ST7L: variants seen among roughly 807,000 people sequenced by gnomAD.
The protein encoded by ST7L is suppressor of tumorigenicity 7 protein-like.
A neutral mutation model predicts 72.5 loss-of-function variants in ST7L; 57 were observed. The ratio of observed to expected loss-of-function variants is 0.79; its 90% confidence interval spans 0.64 to 0.98. The LOEUF is 0.98. Ranked by LOEUF, ST7L falls within the 50% of genes least tolerant of loss-of-function variation. The pLI is 0.00. For synonymous variants in ST7L, 221 were observed against 240.9 expected, an observed-to-expected ratio of 0.92 and a Z score of 0.77; for missense variants, 576 against 672.2, an observed-to-expected ratio of 0.86 and a Z score of 1.58.
chr1:112,586,630 G>C (rs1486343664), intron 6 of ST7L, among the ~76,000 whole-genome samples: 1 of 152,014 alleles, frequency 6.6e-6, no homozygotes, highest in Non-Finnish European at 1.5e-5. Context: ...TGGATATATG[G>C]TGAAAAGATT....
chr1:112,611,968 T>C (rs1669129735), intron 2 of ST7L, among the ~76,000 whole-genome samples: 1 of 46,900 alleles, frequency 2.1e-5, no homozygotes, highest in Non-Finnish European at 3.6e-5. Flanking sequence ...AGACCCTGTC[T>C]CAAAAAAAAA....
At chr1:112,581,602 G>A (rs1337031972) in intron 9 of ST7L, among the ~76,000 whole-genome samples, 1 of 151,890 alleles carries the variant, frequency 6.6e-6, no homozygotes, top group South Asian at 2.1e-4. Context: ...ACAGGGTCTT[G>A]CCATGTTGCC....
At chr1:112,534,700 G>A (rs999912312) in intron 14 of ST7L, among the ~76,000 whole-genome samples, 40 of 152,138 alleles carry the variant, frequency 2.6e-4, no homozygotes, top group Non-Finnish European at 4.7e-4. Context: ...GCAAGATAGA[G>A]ATGTTTTCTA....
chr1:112,550,681 A>G lies in ST7L; in HGVS notation c.1409T>C (p.Ile470Thr), dbSNP rs1657961599. The change falls in exon 13 of 15, where the codon ATT (isoleucine) becomes ACT (threonine). Residue 470 changes from isoleucine (I) to threonine (T), a missense_variant. Coordinates refer to ENST00000358039, the MANE Select transcript of ST7L (RefSeq NM_017744.5). ...ATGTCCTTTCTCTAACGGGTATGGA[A>G]TCATTCTAAAAGCTGAGGAAAAAAA... ...QCTWEGTFRM[I>T]PYPLEKGHLF... is the part of the protein sequence containing the mutation. The G allele has an allele frequency of 6.2e-7, 1 of 1,612,686 alleles. No individual in the cohort carries two copies. Among genetic ancestry groups the G allele is most frequent in the Admixed American group, 1.7e-5 (1 of 59,976 alleles).
At chr1:112,520,643 C>A, downstream of ST7L, 1 of 916,438 alleles carries the variant, frequency 1.1e-6, no homozygotes. Context: ...GAGAGTAATC[C>A]ATAGGGACCA....
rs1653130193 is a variant in ST7L, at chr1:112,524,604, TTGG to T, written c.*1406_*1408del. The stretch of plus-strand genomic sequence containing the variant: ...AGCTCACACCTGGTTATTGATGGCC[TTGG>T]TGGAGGCCTCTGCCCCGACCCTCCA... On this transcript the variant is annotated 3_prime_UTR_variant, in exon 15 of 15. Coordinates refer to ENST00000358039, the MANE Select transcript of ST7L (RefSeq NM_017744.5). 3.9e-5 allele frequency: 6 copies of T among 152,630 alleles called. No individual in the cohort carries two copies. The highest frequency in any genetic ancestry group is 3.9e-4 in the Admixed American group (6 of 15,268). 9.5% of individuals were successfully genotyped at this position (152,630 alleles called of 1,614,324 possible).
intron 14 of ST7L, chr1:112,540,572 T>C: frequency 3.0e-6 from 3 of 985,428 alleles, no homozygotes; most frequent in Non-Finnish European, 3.6e-6. Context: ...AGACTCAGAC[T>C]CCTAGGCCTA....
rs1557963431 is a variant in ST7L, at chr1:112,550,590, T to C, written c.1489+11A>G. ...ACTTTTAAGTTTAAGAAAACTAAAA[T>C]ATTTACTTACTAGGTAATAGCTCTC... On this transcript the variant is annotated intron_variant, in intron 13 of 14. Transcript: ENST00000358039. 6.3e-7 allele frequency: 1 copy of C among 1,595,030 alleles called. No homozygotes were observed. The highest frequency in any genetic ancestry group is 1.7e-5 in the Admixed American group (1 of 59,132).
chr1:112,584,723 G>T (rs886649839), intron 6 of ST7L, among the ~76,000 whole-genome samples: 3 of 152,072 alleles, frequency 2.0e-5, no homozygotes, highest in Admixed American at 6.6e-5. Flanking sequence ...CCTGATCTCA[G>T]GTGATCCACC....
At chr1:112,518,488 A>G in the ST7L span, 1 of 152,200 alleles carries the variant, frequency 6.6e-6, no homozygotes, top group African/African-American at 2.4e-5. Flanking sequence ...ATTAATGAAG[A>G]AAGTAGTCTG....
chr1:112,537,043 TG>T (rs1220457339), intron 14 of ST7L, among the ~76,000 whole-genome samples: 2 of 152,086 alleles, frequency 1.3e-5, no homozygotes, highest in Non-Finnish European at 2.9e-5. Flanking sequence ...TTACCCAGGC[TG>T]GAGTGCAGCG....
downstream of ST7L, chr1:112,522,955 G>T (rs1164387870): frequency 2.0e-5 from 3 of 152,210 alleles, no homozygotes; most frequent in Non-Finnish European, 4.4e-5. Flanking sequence ...GAGAGGTAAG[G>T]GGGTCATGGT....
At position 112,599,074 on chromosome 1, in the gene ST7L, ATATATATATATATAT is replaced by A. The variant is rs1265491898; in HGVS notation, c.507-1003_507-989del. Among the ~76,000 whole-genome samples, 74 of 40,274 alleles carry A rather than the reference ATATATATATATATAT, an allele frequency of 1.8e-3. 8 individuals carry two copies. The highest frequency in any genetic ancestry group is 0.016 in the South Asian group (14 of 874). 26.4% of individuals were successfully genotyped at this position (40,274 alleles called of 152,430 possible). ...GACTCAGCCTCAAAAAAAAAAAAAAATATATATATATATATATATATATATATATATATATATGTG... is the reference window on the plus strand; with the variant it reads ...GACTCAGCCTCAAAAAAAAAAAAAAAATATATATATATATATATATATGTG... On this transcript the variant is annotated intron_variant, in intron 4 of 14. Coordinates refer to ENST00000358039, the MANE Select transcript of ST7L (RefSeq NM_017744.5).
chr1:112,568,712 C>A (rs368361699), intron 11 of ST7L, among the ~76,000 whole-genome samples: 12 of 148,688 alleles, frequency 8.1e-5, no homozygotes, highest in African/African-American at 1.2e-4. Flanking sequence ...AAAACAACAA[C>A]AAAAAAACAA....
intron 1 of ST7L, chr1:112,617,215 C>A (rs1192744201): frequency 1.1e-5 from 2 of 174,902 alleles, no homozygotes; most frequent in Non-Finnish European, 2.4e-5. Flanking sequence ...CAAAACTACT[C>A]CATATTTATT....
At chr1:112,546,958 A>G (rs1403271578) in intron 13 of ST7L, among the ~76,000 whole-genome samples, 1 of 151,862 alleles carries the variant, frequency 6.6e-6, no homozygotes, top group Non-Finnish European at 1.5e-5. Flanking sequence ...AAATCTCTAT[A>G]TATGTACATA....
intron 11 of ST7L, among the ~76,000 whole-genome samples, chr1:112,564,632 C>A (rs1381061583): frequency 6.6e-6 from 1 of 152,004 alleles, no homozygotes; most frequent in African/African-American, 2.4e-5. Context: ...GCCTGGCCAA[C>A]ATGGTGAAAC....
chr1:112,539,107 G>A (rs1338338593), intron 14 of ST7L: 1 of 152,108 alleles, frequency 6.6e-6, no homozygotes, highest in South Asian at 2.1e-4. Context: ...CCTCTTATTG[G>A]GGGTAGAGTA....
intron 13 of ST7L, among the ~76,000 whole-genome samples, chr1:112,544,171 G>A (rs146349648): frequency 0.012 from 1,793 of 152,218 alleles, 36 homozygotes; most frequent in African/African-American, 0.04. Context: ...GAAGTTGACC[G>A]CTTAGGGCTG....
Sources: allele counts gnomAD v4.1 joint callset (sites outside exome capture counted in the v4.1 genomes callset), GRCh38; gene constraint gnomAD v4.1.1; transcripts MANE v1.5; gene names NCBI Gene and HGNC (gene_info 2026-07-23, HGNC 2026-07-21).